COL8A1: variants seen among roughly 807,000 people sequenced by gnomAD.
COL8A1 encodes the protein collagen alpha-1(VIII) chain.
COL8A1 carries 21 observed loss-of-function variants against 42.7 expected under a neutral mutation model. The observed-to-expected ratio is 0.49, with a 90% confidence interval of 0.35 to 0.71. COL8A1 has a LOEUF of 0.71. COL8A1 is among the 30% of genes least tolerant of loss of function. The probability of loss-of-function intolerance (pLI) is 0.01; values close to 1 mark genes in which losing one functional copy is unlikely to be tolerated. For missense variants in COL8A1, 788 were observed against 962.4 expected (o/e 0.82, Z 2.40); for synonymous variants, 367 against 369.1 (o/e 0.99, Z 0.06).
intron 2 of COL8A1, among the ~76,000 whole-genome samples, chr3:99,773,270 A>C (rs977901688): frequency 2.6e-5 from 4 of 152,204 alleles, no homozygotes; most frequent in Non-Finnish European, 5.9e-5. Context: ...AATAATAACA[A>C]GACTTCAATT....
intron 2 of COL8A1, among the ~76,000 whole-genome samples, chr3:99,785,751 T>C (rs1031800509): frequency 1.3e-5 from 2 of 152,008 alleles, no homozygotes; most frequent in Non-Finnish European, 2.9e-5. Flanking sequence ...CGCAGGGAGG[T>C]GACTGCCATC....
At chr3:99,662,729 G>A (rs1938245914) in intron 1 of COL8A1, among the ~76,000 whole-genome samples, 1 of 152,162 alleles carries the variant, frequency 6.6e-6, no homozygotes, top group South Asian at 2.1e-4. Context: ...GAAAATATCT[G>A]TTCCATGCCT....
intron 1 of COL8A1, among the ~76,000 whole-genome samples, chr3:99,689,638 T>C (rs1331277976): frequency 6.6e-6 from 1 of 152,238 alleles, no homozygotes; most frequent in African/African-American, 2.4e-5. Context: ...TTTAGCAATA[T>C]GTAATTCTTC....
At chr3:99,731,434 G>A (rs997781005) in intron 1 of COL8A1, among the ~76,000 whole-genome samples, 8 of 152,056 alleles carry the variant, frequency 5.3e-5, no homozygotes, top group Admixed American at 3.3e-4. Context: ...CCAGGGTGGA[G>A]GATAAGAAGG....
At chr3:99,729,954 A>G (rs1292347226) in intron 1 of COL8A1, among the ~76,000 whole-genome samples, 1 of 152,124 alleles carries the variant, frequency 6.6e-6, no homozygotes, top group Non-Finnish European at 1.5e-5. Flanking sequence ...ATTTAATAGC[A>G]TTGTTGATCA....
chr3:99,749,480 C>T (rs922371049), intron 2 of COL8A1, among the ~76,000 whole-genome samples: 10 of 152,190 alleles, frequency 6.6e-5, no homozygotes, highest in African/African-American at 2.4e-4. Flanking sequence ...CAGTTCTAGA[C>T]ACTGAGGGAA....
chr3:99,646,809 A>C (rs1010735637), intron 1 of COL8A1, among the ~76,000 whole-genome samples: 7 of 152,230 alleles, frequency 4.6e-5, no homozygotes, highest in African/African-American at 1.4e-4. Flanking sequence ...TGGCTTAAAG[A>C]GTCTTAAAAG....
chr3:99,666,692 A>G (rs1031072413), intron 1 of COL8A1, among the ~76,000 whole-genome samples: 1 of 152,216 alleles, frequency 6.6e-6, no homozygotes, highest in African/African-American at 2.4e-5. Context: ...ATATGCTTAT[A>G]CAACCCACTT....
At chr3:99,670,299 A>C (rs1938503375) in intron 1 of COL8A1, among the ~76,000 whole-genome samples, 1 of 152,070 alleles carries the variant, frequency 6.6e-6, no homozygotes, top group East Asian at 1.9e-4. Context: ...TGTTTGCATG[A>C]AATACATTGA....
intron 1 of COL8A1, among the ~76,000 whole-genome samples, chr3:99,683,071 A>C (rs1938938833): frequency 1.3e-5 from 2 of 152,248 alleles, no homozygotes; most frequent in South Asian, 2.1e-4. Context: ...TTGTATGTTC[A>C]GAATTAAATA....
chr3:99,764,505 T>C (rs1228880936), intron 2 of COL8A1, among the ~76,000 whole-genome samples: 1 of 152,150 alleles, frequency 6.6e-6, no homozygotes, highest in Non-Finnish European at 1.5e-5. Flanking sequence ...AAACAAGTAA[T>C]ATGTTGTTAG....
At chr3:99,788,782 T>G (rs1941943884) in intron 2 of COL8A1, among the ~76,000 whole-genome samples, 1 of 152,216 alleles carries the variant, frequency 6.6e-6, no homozygotes, top group South Asian at 2.1e-4. Flanking sequence ...CAATTTATGT[T>G]TGAAAGGGAT....
intron 2 of COL8A1, among the ~76,000 whole-genome samples, chr3:99,780,133 G>C (rs1033801788): frequency 1.3e-5 from 2 of 151,938 alleles, no homozygotes; most frequent in African/African-American, 4.8e-5. Flanking sequence ...CTTATAAAGT[G>C]CTTAGTATCT....
intron 1 of COL8A1, among the ~76,000 whole-genome samples, chr3:99,656,494 GAAA>G (rs764532246): frequency 1.1e-5 from 1 of 92,816 alleles, no homozygotes; most frequent in Non-Finnish European, 2.3e-5. Context: ...TGTATAAGAA[GAAA>G]AAAAAAAAAA....
At position 99,785,687 on chromosome 3, in the gene COL8A1, A is replaced by T. The variant is rs192947830; in HGVS notation, c.-3-4993A>T. Reference sequence around the variant, plus strand: ...CACTAGGGTGACCAGTGTGGCTGGTAAATAAGAAGAGGCAATTAGGACACA... The same window carrying T: ...CACTAGGGTGACCAGTGTGGCTGGTTAATAAGAAGAGGCAATTAGGACACA... On this transcript the variant is annotated intron_variant, in intron 2 of 3. Coordinates refer to ENST00000652472, the MANE Select transcript of COL8A1 (RefSeq NM_020351.4). 6.6e-4 allele frequency among the ~76,000 whole-genome samples: 100 copies of T among 152,318 alleles called. 1 individual carries two copies. Among genetic ancestry groups the T allele is most frequent in the Non-Finnish European group, 1.1e-3 (73 of 68,030 alleles).
chr3:99,726,221 A>C (rs1367526121), intron 1 of COL8A1, among the ~76,000 whole-genome samples: 1 of 152,120 alleles, frequency 6.6e-6, no homozygotes, highest in Non-Finnish European at 1.5e-5. Context: ...TTCTTTTGAG[A>C]AGTATCTGTT....
chr3:99,756,004 A>G (rs1213747043), intron 2 of COL8A1, among the ~76,000 whole-genome samples: 1 of 152,018 alleles, frequency 6.6e-6, no homozygotes, highest in Non-Finnish European at 1.5e-5. Flanking sequence ...GAATGGAGAC[A>G]GGGAGGTAAG....
intron 1 of COL8A1, among the ~76,000 whole-genome samples, chr3:99,643,830 C>T (rs911569296): frequency 1.1e-4 from 16 of 152,178 alleles, no homozygotes; most frequent in Non-Finnish European, 2.4e-4. Context: ...GTGAGATTTA[C>T]AGCGTAACTC....
At chr3:99,654,213 G>A (rs557542145) in intron 1 of COL8A1, among the ~76,000 whole-genome samples, 75 of 152,260 alleles carry the variant, frequency 4.9e-4, no homozygotes, top group Non-Finnish European at 8.2e-4. Flanking sequence ...TATTCTAGCC[G>A]TGCTGGCAGT....
Sources: allele counts gnomAD v4.1 joint callset (sites outside exome capture counted in the v4.1 genomes callset), GRCh38; gene constraint gnomAD v4.1.1; transcripts MANE v1.5; gene names NCBI Gene and HGNC (gene_info 2026-07-23, HGNC 2026-07-21).